Variants in PCGF5 observed in about 807,000 individuals in gnomAD.
PCGF5 encodes polycomb group ring finger 5.
PCGF5 carries 9 observed loss-of-function variants against 44.3 expected under a neutral mutation model. That is an observed-to-expected ratio of 0.20 (90% CI 0.12 to 0.35). The LOEUF (loss-of-function observed/expected upper bound fraction) is 0.35. PCGF5 is among the 10% of genes least tolerant of loss of function. The probability of loss-of-function intolerance (pLI) is 1.00; values close to 1 mark genes in which losing one functional copy is unlikely to be tolerated. For synonymous variants in PCGF5, 95 were observed against 102.5 expected (o/e 0.93, Z 0.44); for missense variants, 146 against 305.3 (o/e 0.48, Z 3.89).
intron 7 of PCGF5, among the ~76,000 whole-genome samples, chr10:91,263,496 C>A (rs1171942033): frequency 6.6e-6 from 1 of 152,106 alleles, no homozygotes; most frequent in African/African-American, 2.4e-5. Flanking sequence ...CTCTGTCTAG[C>A]CAGATGCAGA....
intron 1 of PCGF5, among the ~76,000 whole-genome samples, chr10:91,166,238 A>G (rs1843497136): frequency 6.6e-6 from 1 of 152,200 alleles, no homozygotes. Context: ...AATGGTTTCT[A>G]TCATTAGTTG....
chr10:91,239,801 A>T (rs531312628), intron 2 of PCGF5, among the ~76,000 whole-genome samples: 1 of 152,344 alleles, frequency 6.6e-6, no homozygotes, highest in South Asian at 2.1e-4. Flanking sequence ...CCCCAAATCC[A>T]CAAGTCATAT....
chr10:91,187,056 T>C (rs1021513995), intron 1 of PCGF5, among the ~76,000 whole-genome samples: 7 of 152,226 alleles, frequency 4.6e-5, no homozygotes, highest in African/African-American at 7.2e-5. Context: ...TCTGCATTTC[T>C]GAGTTTCCCA....
At chr10:91,190,939 T>C (rs1201504411) in intron 1 of PCGF5, among the ~76,000 whole-genome samples, 1 of 152,218 alleles carries the variant, frequency 6.6e-6, no homozygotes, top group Non-Finnish European at 1.5e-5. Context: ...TATGCTTCAC[T>C]TCATTTTTGC....
intron 1 of PCGF5, among the ~76,000 whole-genome samples, chr10:91,165,155 C>G (rs1346567520): frequency 1.3e-5 from 2 of 152,036 alleles, no homozygotes; most frequent in East Asian, 1.9e-4. Context: ...TCCTGGTTTT[C>G]TTTTGATTCA....
rs7902729 is a variant in PCGF5, at chr10:91,281,638, C to T, written c.*3322C>T. The T allele has an allele frequency of 0.041, 6,324 of 152,430 alleles. 372 individuals are homozygous for T. The highest frequency in any genetic ancestry group is 0.13 in the African/African-American group (5,574 of 41,440). The allele number at this position is 152,430 out of a possible 1,614,324, so 9.4% of individuals were successfully genotyped here. A position where few individuals can be genotyped will look rare whatever the true frequency, so the allele number is the denominator to read the frequency against. On this transcript the variant is annotated 3_prime_UTR_variant, in exon 10 of 10. Transcript: ENST00000336126. Reference sequence around the variant, plus strand: ...TAAATTAATAACCATGTTGGAGAGACGGTTTTAACAGTTTGGAGGTTGGAA... The same window carrying T: ...TAAATTAATAACCATGTTGGAGAGATGGTTTTAACAGTTTGGAGGTTGGAA...
At chr10:91,253,142 ATCT>A (rs1298172058) in intron 6 of PCGF5, among the ~76,000 whole-genome samples, 3 of 151,516 alleles carry the variant, frequency 2.0e-5, no homozygotes, top group Non-Finnish European at 2.9e-5. Context: ...ATTTTAGGAG[ATCT>A]TCTCCATTTT....
chr10:91,189,481 C>G (rs777613706), intron 1 of PCGF5, among the ~76,000 whole-genome samples: 11 of 152,338 alleles, frequency 7.2e-5, no homozygotes, highest in Non-Finnish European at 1.5e-4. Flanking sequence ...AGAATCTACA[C>G]TTGCTGTTTG....
At chr10:91,268,589 C>CACTT (rs1846100983) in intron 8 of PCGF5, among the ~76,000 whole-genome samples, 2 of 152,142 alleles carry the variant, frequency 1.3e-5, no homozygotes, top group African/African-American at 4.8e-5. Context: ...GGATACCACT[C>CACTT]TCTGCCCCGT....
intron 7 of PCGF5, among the ~76,000 whole-genome samples, chr10:91,262,980 A>G (rs1589406174): frequency 1.3e-5 from 2 of 152,208 alleles, no homozygotes; most frequent in East Asian, 3.8e-4. Context: ...TTACTCTTAC[A>G]TAGTCTTACT....
At chr10:91,167,933 T>C (rs1040835360) in intron 1 of PCGF5, among the ~76,000 whole-genome samples, 5 of 151,754 alleles carry the variant, frequency 3.3e-5, no homozygotes, top group Non-Finnish European at 7.4e-5. Context: ...GATGTAGGAG[T>C]TGAGGAAGAA....
At chr10:91,240,462 C>A in intron 2 of PCGF5, 22 bp from the exon 3 acceptor site, 1 of 1,541,976 alleles carries the variant, frequency 6.5e-7, no homozygotes, top group Non-Finnish European at 8.9e-7. Flanking sequence ...GCGTTTTAAC[C>A]TAACATCTTC....
intron 1 of PCGF5, among the ~76,000 whole-genome samples, chr10:91,183,562 T>G (rs1395993520): frequency 2.0e-5 from 3 of 152,200 alleles, no homozygotes; most frequent in African/African-American, 7.2e-5. Flanking sequence ...TTAGCCCATT[T>G]GCATTTAAGG....
At chr10:91,177,067 C>T (rs1008841681) in intron 1 of PCGF5, among the ~76,000 whole-genome samples, 7 of 152,162 alleles carry the variant, frequency 4.6e-5, no homozygotes, top group East Asian at 1.9e-4. Flanking sequence ...ATGATGGTGA[C>T]GTACAGATGG....
Position 91,238,601 on chromosome 10 carries a change from CTTTTTTTTTTTTTTTTT to C in PCGF5, c.113-1869_113-1853del, listed in dbSNP as rs71487496. On this transcript the variant is annotated intron_variant, in intron 2 of 9. Coordinates refer to ENST00000336126, the MANE Select transcript of PCGF5 (RefSeq NM_032373.5). ...CTCTCATTTCTTTCTTTCTTTCTTT[CTTTTTTTTTTTTTTTTT>C]TTTTTTTTTTTTTGCCTCTTTCCCA... 8.5e-5 allele frequency among the ~76,000 whole-genome samples: 5 copies of C among 58,484 alleles called. No individual in the cohort carries two copies. The East Asian group carries it at 1.5e-3, about 18-fold the overall frequency. The allele number at this position is 58,484 out of a possible 152,430, so 38.4% of individuals were successfully genotyped here. A position where few individuals can be genotyped will look rare whatever the true frequency, so the allele number is the denominator to read the frequency against.
At chr10:91,259,823 A>G (rs1845850793) in intron 6 of PCGF5, among the ~76,000 whole-genome samples, 1 of 152,148 alleles carries the variant, frequency 6.6e-6, no homozygotes, top group South Asian at 2.1e-4. Context: ...ATTAAGATGG[A>G]TTAAAGACTT....
At chr10:91,173,660 T>A (rs1004145884) in intron 1 of PCGF5, among the ~76,000 whole-genome samples, 1 of 145,606 alleles carries the variant, frequency 6.9e-6, no homozygotes. Context: ...AAATATGCGC[T>A]TTTTTCAAGT....
chr10:91,171,318 G>GT (rs752261001), intron 1 of PCGF5, among the ~76,000 whole-genome samples: 64 of 152,124 alleles, frequency 4.2e-4, no homozygotes, highest in African/African-American at 1.5e-3. Flanking sequence ...AAATGGGTTG[G>GT]TTTTTTTATA....
chr10:91,227,978 C>G, intron 2 of PCGF5: 1 of 936,764 alleles, frequency 1.1e-6, no homozygotes, highest in Non-Finnish European at 1.3e-6. Flanking sequence ...GTGTATTTTT[C>G]CTTTCAAAGA....
Sources: allele counts gnomAD v4.1 joint callset (sites outside exome capture counted in the v4.1 genomes callset), GRCh38; gene constraint gnomAD v4.1.1; transcripts MANE v1.5; gene names NCBI Gene and HGNC (gene_info 2026-07-23, HGNC 2026-07-21).